SIDT2: variants seen among roughly 807,000 people sequenced by gnomAD.
SIDT2 encodes SID1 transmembrane family, member 2.
Under a neutral mutation model 114.4 loss-of-function variants are expected in SIDT2, and 68 were observed. That is an observed-to-expected ratio of 0.59 (90% CI 0.49 to 0.73). The LOEUF (loss-of-function observed/expected upper bound fraction) is 0.73. Among genes scored for constraint, SIDT2 ranks in the 30% least tolerant of loss-of-function variants. The probability of loss-of-function intolerance (pLI) is 0.00; values close to 1 mark genes in which losing one functional copy is unlikely to be tolerated. For synonymous variants in SIDT2, 470 were observed against 438.4 expected (o/e 1.07, Z -0.90); for missense variants, 918 against 1,097.1 (o/e 0.84, Z 2.31).
At chr11:117,186,663 G>A (rs371178656) in intron 10 of SIDT2, 27 bp downstream of exon 10, 48 of 1,542,594 alleles carry the variant, frequency 3.1e-5, no homozygotes, top group Admixed American at 1.5e-4. Flanking sequence ...TGGGTGGGGC[G>A]GGCACAGTGT....
intron 8 of SIDT2, among the ~76,000 whole-genome samples, chr11:117,184,367 C>T (rs569939466): frequency 5.9e-5 from 9 of 152,156 alleles, no homozygotes; most frequent in Non-Finnish European, 1.0e-4. Flanking sequence ...AACTGAGGTC[C>T]AGTTCACTTT....
chr11:117,193,844 C>T lies in SIDT2; in HGVS notation c.2212-9C>T, dbSNP rs374389284. 3.1e-6 allele frequency: 5 copies of T among 1,610,290 alleles called. No individual in the cohort carries two copies. In the African/African-American group the frequency reaches 4.0e-5, roughly 13 times the overall value. ...CCTCAGACTGCTGTCCCTGCCTGGC[C>T]CCTCCCAGCTCCGGAGTGGGGAGAG... is the stretch of plus-strand genomic sequence containing the variant. On this transcript the variant is annotated splice_polypyrimidine_tract_variant and intron_variant, in intron 23 of 25. Transcript: ENST00000324225.
intron 23 of SIDT2, 131 bp from the exon 24 acceptor site, chr11:117,193,722 T>C (rs188008923): frequency 1.3e-4 from 82 of 644,346 alleles, no homozygotes; most frequent in Non-Finnish European, 2.1e-4. Flanking sequence ...TGCGGAATGG[T>C]ATGAATCCAA....
rs117348488 is a variant in SIDT2 at position 117,192,227 on chromosome 11, C to G, written c.1873-27C>G. On this transcript the variant is annotated intron_variant, in intron 19 of 25. Transcript: ENST00000324225. This position sits in a 1 kb window ranked among gnomAD's most constrained non-coding sequence, Gnocchi z 5.9. ...CGAGCCACTTCCCTCTCCACCCTCA[C>G]CGCTGCCCTTGGTGGCCTCCCGACA... 14,851 of 1,508,652 alleles carry G rather than the reference C, an allele frequency of 9.8e-3. 97 individuals are homozygous for G. Among genetic ancestry groups the G allele is most frequent in the Non-Finnish European group, 0.011 (11,862 of 1,084,212 alleles). 93.5% of individuals were successfully genotyped at this position (1,508,652 alleles called of 1,614,324 possible). A position where few individuals can be genotyped will look rare whatever the true frequency, so the allele number is the denominator to read the frequency against.
chr11:117,183,694 C>A, intron 6 of SIDT2, 85 bp from the exon 7 acceptor site: 2 of 997,554 alleles, frequency 2.0e-6, no homozygotes, highest in African/African-American at 1.6e-5. Flanking sequence ...AAGAATTTAG[C>A]ATAATGTCTG....
chr11:117,189,430 C>CG (rs1317852338), intron 15 of SIDT2, 29 bp downstream of exon 15: 2 of 1,609,446 alleles, frequency 1.2e-6, no homozygotes, highest in African/African-American at 2.7e-5. Flanking sequence ...TTCACCTTTC[C>CG]GACAGCCTAG....
At chr11:117,187,917 C>T (rs563784052) in intron 12 of SIDT2, 1 of 689,860 alleles carries the variant, frequency 1.4e-6, no homozygotes, top group Admixed American at 2.0e-5. Flanking sequence ...AGCGGCGCCT[C>T]CCCTCTGGCC....
Position 117,192,352 on chromosome 11 carries a change from G to T in SIDT2, c.1971G>T (p.Arg657=). The change falls in exon 20 of 26, where the codon CGG becomes CGT. Residue 657 remains arginine, a synonymous_variant. Coordinates refer to ENST00000324225, the MANE Select transcript of SIDT2 (RefSeq NM_001040455.2). The surrounding 1 kb of genome is among the most constrained non-coding windows in gnomAD (Gnocchi z 5.9). The part of the protein sequence containing the change: ...LLSTQLYYMG[R]WKLDSGIFRR... ...GCACGCAGCTCTATTACATGGGCCGGTGGAAACTGGGTAAGGGCACGCCCG... is the reference window on the plus strand; with the variant it reads ...GCACGCAGCTCTATTACATGGGCCGTTGGAAACTGGGTAAGGGCACGCCCG... The T allele has an allele frequency of 6.3e-7, 1 of 1,599,948 alleles. No individual in the cohort carries two copies. Among genetic ancestry groups the T allele is most frequent in the Non-Finnish European group, 8.6e-7 (1 of 1,167,524 alleles).
At chr11:117,189,896 G>A (rs892122646) in intron 15 of SIDT2, 56 bp from the exon 16 acceptor site, 73 of 1,575,292 alleles carry the variant, frequency 4.6e-5, no homozygotes, top group Non-Finnish European at 5.9e-5. Context: ...ATGGCGGGGC[G>A]TGGGCTGAGT....
Position 117,186,242 on chromosome 11 carries a change from G to A in SIDT2, c.962+19G>A. 1 of 1,610,586 alleles carries A rather than the reference G, an allele frequency of 6.2e-7. No individual in the cohort carries two copies. The highest frequency in any genetic ancestry group is 8.5e-7 in the Non-Finnish European group (1 of 1,176,872). On this transcript the variant is annotated intron_variant, in intron 9 of 25. Coordinates refer to ENST00000324225, the MANE Select transcript of SIDT2 (RefSeq NM_001040455.2). ...ACTGGAGGTAAAGTGGAACTGCTGG[G>A]CCTCCCCTGGTCTGGGTGGTTTGGG... is the stretch of plus-strand genomic sequence containing the variant.
intron 8 of SIDT2, 79 bp downstream of exon 8, chr11:117,184,218 C>T: frequency 7.1e-7 from 1 of 1,411,934 alleles, no homozygotes. Flanking sequence ...TAGGGTGTGC[C>T]CTGAAGTGGG....
At position 117,186,598 on chromosome 11, in the gene SIDT2, C is replaced by A; in HGVS notation, c.977C>A (p.Thr326Asn). 2 of 1,570,610 alleles carry A rather than the reference C, an allele frequency of 1.3e-6. No homozygotes were observed. The highest frequency in any genetic ancestry group is 1.2e-5 in the South Asian group (1 of 82,524). ...CWENWRQKKK[T>N]LLVAIDRACP... is the part of the protein sequence containing the mutation. ...TGTCCATGCAGGCAGAAGAAGAAGA[C>A]CCTGCTGGTGGCCATTGACCGAGCC... The change falls in exon 10 of 26, where the codon ACC (threonine) becomes AAC (asparagine). Residue 326 changes from threonine (T) to asparagine (N), a missense_variant. Thr to Asn is a moderately conservative substitution (Grantham distance 65). Coordinates refer to ENST00000324225, the MANE Select transcript of SIDT2 (RefSeq NM_001040455.2).
rs1182768992 is a variant in SIDT2, at chr11:117,190,442, C to T, written c.1617+153C>T. 4.0e-5 allele frequency among the ~76,000 whole-genome samples: 6 copies of T among 149,910 alleles called. No individual in the cohort carries two copies. The highest frequency in any genetic ancestry group is 1.5e-4 in the African/African-American group (6 of 40,880). ...GGCCCACCCTATCCAGCCCAGCCTG[C>T]CCCACCCTGCCCTGCCCTCCCTTGC... On this transcript the variant is annotated intron_variant, in intron 17 of 25. Transcript: ENST00000324225. The surrounding 1 kb of genome is among the most constrained non-coding windows in gnomAD (Gnocchi z 4.1).
In SIDT2 at chr11:117,188,018, C is replaced by G; in HGVS notation, c.1159+319C>G. On this transcript the variant is annotated intron_variant, in intron 12 of 25. Transcript: ENST00000324225. This position sits in a 1 kb window ranked among gnomAD's most constrained non-coding sequence, Gnocchi z 4.0. ...GTGCCTGCCGGCTCCGGTTGACTGC[C>G]GGCTGTGGGGCCAGAAAGATTCTAT... 1.7e-6 allele frequency: 1 copy of G among 577,096 alleles called. No homozygotes were observed. Among genetic ancestry groups the G allele is most frequent in the South Asian group, 1.5e-5 (1 of 65,498 alleles). 35.7% of individuals were successfully genotyped at this position (577,096 alleles called of 1,614,324 possible). A position where few individuals can be genotyped will look rare whatever the true frequency, so the allele number is the denominator to read the frequency against.
rs1453049021 is a variant in SIDT2, at chr11:117,192,770, C to T, written c.2059-50C>T. 1 of 1,613,422 alleles carries T rather than the reference C, an allele frequency of 6.2e-7. No homozygotes were observed. The highest frequency in any genetic ancestry group is 2.2e-5 in the East Asian group (1 of 44,868). ...GACCAGCTGGCTGGGCCTTCTTCCA[C>T]CACCCTCCCTGCCCCTGCCCTCAGT... On this transcript the variant is annotated intron_variant, in intron 21 of 25. Transcript: ENST00000324225. This position sits in a 1 kb window ranked among gnomAD's most constrained non-coding sequence, Gnocchi z 5.9.
At position 117,179,188 on chromosome 11, in the gene SIDT2, C is replaced by A; in HGVS notation, c.-76C>A. The A allele has an allele frequency of 6.9e-7, 1 of 1,443,860 alleles. No individual in the cohort carries two copies. Among genetic ancestry groups the A allele is most frequent in the South Asian group, 1.3e-5 (1 of 79,558 alleles). 89.4% of individuals were successfully genotyped at this position (1,443,860 alleles called of 1,614,324 possible). On this transcript the variant is annotated 5_prime_UTR_variant, in exon 1 of 26. Coordinates refer to ENST00000324225, the MANE Select transcript of SIDT2 (RefSeq NM_001040455.2). Reference sequence around the variant, plus strand: ...CTGGAAGCTGCGGCCGCAGCCGCAACCCGTCCCGGAGGTGTCCTGTCTCCT... The same window carrying A: ...CTGGAAGCTGCGGCCGCAGCCGCAAACCGTCCCGGAGGTGTCCTGTCTCCT...
Position 117,186,197 on chromosome 11 carries a change from C to T in SIDT2, c.936C>T (p.Val312=), listed in dbSNP as rs1290527719. 3 of 1,614,000 alleles carry T rather than the reference C, an allele frequency of 1.9e-6. No individual in the cohort carries two copies. The highest frequency in any genetic ancestry group is 3.3e-5 in the Admixed American group (2 of 59,974). The part of the protein sequence containing the change: ...GIFLSFYLLT[V]LLACWENWRQ... ...TTCTCTCCTTTTACCTGCTGACCGT[C>T]CTCCTGGCCTGCTGGGAGAACTGGA... Residue 312 remains valine, a synonymous_variant, in exon 9 of 26, where the codon GTC becomes GTT. Coordinates refer to ENST00000324225, the MANE Select transcript of SIDT2 (RefSeq NM_001040455.2).
chr11:117,183,925 C>G (rs553262595), intron 7 of SIDT2, 47 bp downstream of exon 7: 2 of 1,546,778 alleles, frequency 1.3e-6, no homozygotes, highest in African/African-American at 2.7e-5. Context: ...AGGTCTTGGT[C>G]ACTTTCTGGG....
chr11:117,181,345 G>A (rs906680082), intron 1 of SIDT2, 71 bp from the exon 2 acceptor site: 20 of 1,519,038 alleles, frequency 1.3e-5, no homozygotes, highest in Non-Finnish European at 1.8e-5. Flanking sequence ...AGGAGGGCAG[G>A]GCTCATAGTC....
Sources: allele counts gnomAD v4.1 joint callset (sites outside exome capture counted in the v4.1 genomes callset), GRCh38; gene constraint gnomAD v4.1.1; non-coding constraint Gnocchi (gnomAD v3.1); transcripts MANE v1.5; gene names NCBI Gene and HGNC (gene_info 2026-07-23, HGNC 2026-07-21).